Variants in AKAIN1 observed in about 807,000 individuals in gnomAD.
The protein encoded by AKAIN1 is A-kinase anchor protein inhibitor 1.
AKAIN1 carries 3 observed loss-of-function variants against 3.7 expected under a neutral mutation model. That is an observed-to-expected ratio of 0.82 (90% CI 0.37 to 2.12). The LOEUF is 2.12. Ranked by LOEUF, AKAIN1 falls within the 30% of genes most tolerant of loss-of-function variation. AKAIN1 has a pLI of 0.06. For synonymous variants in AKAIN1, 31 were observed against 30.8 expected (o/e 1.01, Z -0.02); for missense variants, 82 against 82.7 (o/e 0.99, Z 0.03).
intron 1 of AKAIN1, among the ~76,000 whole-genome samples, chr18:5,177,484 T>A (rs1237012465): frequency 6.6e-6 from 1 of 150,452 alleles, no homozygotes; most frequent in Non-Finnish European, 1.5e-5. Context: ...ACATGTTTTC[T>A]ATTTTCCATA....
chr18:5,181,511 T>C (rs913142854), intron 1 of AKAIN1, among the ~76,000 whole-genome samples: 12 of 152,134 alleles, frequency 7.9e-5, no homozygotes, highest in African/African-American at 2.9e-4. Context: ...AGAGTAGGTC[T>C]TATACAAATG....
At chr18:5,148,772 G>A (rs996027203) in intron 1 of AKAIN1, among the ~76,000 whole-genome samples, 20 of 152,184 alleles carry the variant, frequency 1.3e-4, no homozygotes, top group Non-Finnish European at 2.5e-4. Flanking sequence ...TGCAAGAATC[G>A]CTTGAACCTG....
At position 5,143,841 on chromosome 18, in the gene AKAIN1, A is replaced by G. The variant is rs1406121727; in HGVS notation, c.*1721T>C. Among the ~76,000 whole-genome samples the G allele has an allele frequency of 6.6e-6, 1 of 152,246 alleles. No homozygotes were observed. The highest frequency in any genetic ancestry group is 1.5e-5 in the Non-Finnish European group (1 of 68,044). ...TTGACAGCAAAAACAAAGGCTGGTC[A>G]TATCCAGATATCTGAGTAGACATAG... is the stretch of plus-strand genomic sequence containing the variant. On this transcript the variant is annotated 3_prime_UTR_variant, in exon 2 of 2. Transcript: ENST00000434239.
chr18:5,186,989 T>C (rs2071291159), intron 1 of AKAIN1, among the ~76,000 whole-genome samples: 1 of 152,038 alleles, frequency 6.6e-6, no homozygotes, highest in East Asian at 1.9e-4. Context: ...TATTTTGAAA[T>C]GAATGAAAAT....
At chr18:5,175,519 T>C (rs2071221287) in intron 1 of AKAIN1, among the ~76,000 whole-genome samples, 1 of 152,188 alleles carries the variant, frequency 6.6e-6, no homozygotes, top group Non-Finnish European at 1.5e-5. Flanking sequence ...GGCAAGGGAA[T>C]GGCAGAGAAG....
At chr18:5,195,333 C>A (rs1209534437) in intron 1 of AKAIN1, among the ~76,000 whole-genome samples, 1 of 152,156 alleles carries the variant, frequency 6.6e-6, no homozygotes, top group Non-Finnish European at 1.5e-5. Context: ...CCAGTCTACT[C>A]CAGAAATTCC....
chr18:5,158,727 C>A (rs1014064256), intron 1 of AKAIN1, among the ~76,000 whole-genome samples: 1 of 152,132 alleles, frequency 6.6e-6, no homozygotes, highest in Admixed American at 6.5e-5. Context: ...GAACCCTGCA[C>A]ACATGGGTAT....
In AKAIN1 at chr18:5,190,252, A is replaced by G. The variant is rs183671921; in HGVS notation, c.16+6786T>C. Among the ~76,000 whole-genome samples, 4 of 152,290 alleles carry G rather than the reference A, an allele frequency of 2.6e-5. No individual in the cohort carries two copies. In the East Asian group the frequency reaches 7.7e-4, roughly 29 times the overall value. On this transcript the variant is annotated intron_variant, in intron 1 of 1. Transcript: ENST00000434239. ...TCACCTCTTAAAGGTCTACTTCTTA[A>G]TACTGTTATAATGGCAACTAAATTT...
intron 1 of AKAIN1, among the ~76,000 whole-genome samples, chr18:5,189,108 G>A (rs1197612183): frequency 6.6e-6 from 1 of 152,172 alleles, no homozygotes; most frequent in Non-Finnish European, 1.5e-5. Context: ...GCCAAGGAGA[G>A]TTATGCTGAA....
At chr18:5,168,596 C>G (rs576068911) in intron 1 of AKAIN1, among the ~76,000 whole-genome samples, 1 of 152,152 alleles carries the variant, frequency 6.6e-6, no homozygotes, top group Non-Finnish European at 1.5e-5. Flanking sequence ...AAGCCCACTA[C>G]AAATTTTTTG....
intron 1 of AKAIN1, among the ~76,000 whole-genome samples, chr18:5,189,113 G>C (rs574811885): frequency 7.9e-5 from 12 of 152,270 alleles, no homozygotes; most frequent in African/African-American, 2.9e-4. Context: ...GGAGAGTTAT[G>C]CTGAAATGTA....
At chr18:5,196,915 CAG>C (rs2071351069) in intron 1 of AKAIN1, 121 bp downstream of exon 1, 1 of 907,782 alleles carries the variant, frequency 1.1e-6, no homozygotes, top group African/African-American at 1.7e-5. Flanking sequence ...CCCATGAGCA[CAG>C]ACAGTAACTC....
intron 1 of AKAIN1, among the ~76,000 whole-genome samples, chr18:5,150,651 A>G (rs1193985694): frequency 6.6e-6 from 1 of 152,018 alleles, no homozygotes; most frequent in Non-Finnish European, 1.5e-5. Context: ...GTGCTCCCCC[A>G]TGGGGATCCG....
chr18:5,161,216 T>A (rs901080621), intron 1 of AKAIN1, among the ~76,000 whole-genome samples: 1 of 152,086 alleles, frequency 6.6e-6, no homozygotes, highest in Admixed American at 6.6e-5. Context: ...TTTATTTAGA[T>A]CTCCTTTAAT....
rs1733440479 is a variant in AKAIN1, at chr18:5,145,638, T to C, written c.134A>G (p.Glu45Gly). The change falls in exon 2 of 2, where the codon GAA becomes GGA. Residue 45 changes from glutamate to glycine, a missense_variant. By Grantham distance (98) the Glu-to-Gly change is moderately conservative (BLOSUM62 -2). Coordinates refer to ENST00000434239, the MANE Select transcript of AKAIN1 (RefSeq NM_001145194.2). ...QQVSQESQRREERISDNRDHI... is the reference protein window; with the variant it reads ...QQVSQESQRRGERISDNRDHI... ...GTCCCGGTTGTCACTGATTCTCTCT[T>C]CTCTGCGCTGACTCTCCTGGGAGAC... 2.6e-6 allele frequency: 4 copies of C among 1,551,688 alleles called. No individual in the cohort carries two copies. In the African/African-American group the frequency reaches 4.1e-5, roughly 16 times the overall value.
chr18:5,194,735 T>C (rs1173680513), intron 1 of AKAIN1, among the ~76,000 whole-genome samples: 1 of 152,208 alleles, frequency 6.6e-6, no homozygotes, highest in Non-Finnish European at 1.5e-5. Flanking sequence ...AATAGCTCCT[T>C]GTTAATTTAT....
At chr18:5,171,994 GA>G (rs1229210835) in intron 1 of AKAIN1, among the ~76,000 whole-genome samples, 1 of 152,154 alleles carries the variant, frequency 6.6e-6, no homozygotes, top group Non-Finnish European at 1.5e-5. Context: ...ATACATAATG[GA>G]GTACTATTCA....
chr18:5,158,326 C>T (rs2071119999), intron 1 of AKAIN1, among the ~76,000 whole-genome samples: 1 of 152,202 alleles, frequency 6.6e-6, no homozygotes, highest in Non-Finnish European at 1.5e-5. Flanking sequence ...CAAGAGGAAG[C>T]AGCTGAGGAG....
At chr18:5,184,415 G>A (rs1229121852) in intron 1 of AKAIN1, among the ~76,000 whole-genome samples, 1 of 152,038 alleles carries the variant, frequency 6.6e-6, no homozygotes, top group Non-Finnish European at 1.5e-5. Context: ...TCTGTTTGCA[G>A]ACAATATGAT....
Sources: allele counts gnomAD v4.1 joint callset (sites outside exome capture counted in the v4.1 genomes callset), GRCh38; gene constraint gnomAD v4.1.1; transcripts MANE v1.5; gene names NCBI Gene and HGNC (gene_info 2026-07-23, HGNC 2026-07-21).